Variants in GYS2 observed in about 807,000 individuals in gnomAD.
GYS2 encodes glycogen synthase 2, also known as glycogen [starch] synthase, liver.
Under a neutral mutation model 85.6 loss-of-function variants are expected in GYS2, and 80 were observed. The observed-to-expected ratio is 0.93, with a 90% CI of 0.78 to 1.13. The LOEUF is 1.13. GYS2 is among the 50% of genes most tolerant of loss of function. The probability of loss-of-function intolerance (pLI) is 0.00; values close to 1 mark genes in which losing one functional copy is unlikely to be tolerated. For missense variants in GYS2, 881 were observed against 854.9 expected (o/e 1.03, Z -0.38); for synonymous variants, 328 against 300.7 (o/e 1.09, Z -0.94).
intron 1 of GYS2, among the ~76,000 whole-genome samples, chr12:21,582,509 G>A (rs1401491238): frequency 6.6e-6 from 1 of 151,946 alleles, no homozygotes; most frequent in Non-Finnish European, 1.5e-5. Context: ...GCTGGCAGAT[G>A]GCCTGTTTTG....
chr12:21,542,490 C>T lies in GYS2; in HGVS notation c.1645+6G>A. The T allele has an allele frequency of 6.3e-7, 1 of 1,593,558 alleles. No homozygotes were observed. The highest frequency in any genetic ancestry group is 8.6e-7 in the Non-Finnish European group (1 of 1,161,288). On this transcript the variant is annotated splice_donor_region_variant and intron_variant, in intron 13 of 15. Coordinates refer to ENST00000261195, the MANE Select transcript of GYS2 (RefSeq NM_021957.4). Reference sequence around the variant, plus strand: ...CCCAGCATGGGTTAATGATGAAAACCCTCACCGTAAGCAGTAGGATCAGCC... The same window carrying T: ...CCCAGCATGGGTTAATGATGAAAACTCTCACCGTAAGCAGTAGGATCAGCC...
In GYS2 at chr12:21,585,428, G is replaced by A. The variant is rs1054314372; in HGVS notation, c.122-4905C>T. Among the ~76,000 whole-genome samples, 18 of 152,052 alleles carry A rather than the reference G, an allele frequency of 1.2e-4. No individual in the cohort carries two copies. In the East Asian group the frequency reaches 1.5e-3, roughly 13 times the overall value. ...AACTCCACAATGGAGGTAAGGAAGC[G>A]TATGCATGGAATATAGGAGATCCAT... On this transcript the variant is annotated intron_variant, in intron 1 of 15. Coordinates refer to ENST00000261195, the MANE Select transcript of GYS2 (RefSeq NM_021957.4).
intron 1 of GYS2, among the ~76,000 whole-genome samples, chr12:21,583,812 T>C (rs1011722217): frequency 6.6e-6 from 1 of 152,204 alleles, no homozygotes; most frequent in Non-Finnish European, 1.5e-5. Flanking sequence ...TAAAGTGGGC[T>C]GTGCACAGCA....
At chr12:21,568,792 G>A in intron 5 of GYS2, 73 bp downstream of exon 5, 4 of 1,352,452 alleles carry the variant, frequency 3.0e-6, no homozygotes, top group South Asian at 1.2e-5. Context: ...ACTACTTCAC[G>A]ATGGAAAACA....
At chr12:21,539,393 A>T in intron 14 of GYS2, 55 bp from the exon 15 acceptor site, 2 of 944,982 alleles carry the variant, frequency 2.1e-6, no homozygotes. Context: ...TATCTCAATA[A>T]TCAAGTTATT....
intron 1 of GYS2, among the ~76,000 whole-genome samples, chr12:21,587,120 G>T (rs1386125527): frequency 1.3e-5 from 2 of 152,196 alleles, no homozygotes; most frequent in Admixed American, 6.5e-5. Context: ...TGAGAGCCAA[G>T]TGGGAGCTAA....
intron 1 of GYS2, among the ~76,000 whole-genome samples, chr12:21,585,795 A>G (rs758583568): frequency 1.7e-4 from 26 of 152,196 alleles, no homozygotes; most frequent in Non-Finnish European, 3.1e-4. Context: ...TTTTTCCTTT[A>G]TCATGTGACA....
chr12:21,546,315 AC>A, intron 12 of GYS2, 28 bp downstream of exon 12: 1 of 1,525,254 alleles, frequency 6.6e-7, no homozygotes, highest in Non-Finnish European at 9.1e-7. Context: ...AAAATTCAAA[AC>A]ATTCCACACT....
At chr12:21,578,013 T>C (rs1944466021) in intron 2 of GYS2, among the ~76,000 whole-genome samples, 1 of 152,184 alleles carries the variant, frequency 6.6e-6, no homozygotes, top group African/African-American at 2.4e-5. Flanking sequence ...GACTTTCATG[T>C]CCACCTGATT....
chr12:21,563,040 T>TAAAAC lies in GYS2; in HGVS notation c.942-7_942-3dup. On this transcript the variant is annotated splice_polypyrimidine_tract_variant and splice_region_variant and intron_variant, in intron 6 of 15. Transcript: ENST00000261195. ...TTTTCAAGATCAAAGTCGAGATGAC[T>TAAAAC]AAAACAAAACAAAACCAAACAGTTT... is the stretch of plus-strand genomic sequence containing the variant. 3.7e-6 allele frequency: 6 copies of TAAAAC among 1,607,432 alleles called. 1 individual carries two copies. Among genetic ancestry groups the TAAAAC allele is most frequent in the African/African-American group, 1.3e-5 (1 of 74,894 alleles).
In GYS2 at chr12:21,562,910, T is replaced by G; in HGVS notation, c.1062+8A>C. 1 of 1,612,160 alleles carries G rather than the reference T, an allele frequency of 6.2e-7. No homozygotes were observed. The highest frequency in any genetic ancestry group is 8.5e-7 in the Non-Finnish European group (1 of 1,178,348). ...AGAGTGTTATACCATGTCCTAGAGC[T>G]TTCTTACCCTCAGCAGGAAATTTAG... is the stretch of plus-strand genomic sequence containing the variant. On this transcript the variant is annotated splice_region_variant and intron_variant, in intron 7 of 15. Coordinates refer to ENST00000261195, the MANE Select transcript of GYS2 (RefSeq NM_021957.4).
intron 1 of GYS2, among the ~76,000 whole-genome samples, chr12:21,585,099 T>C (rs1017042114): frequency 6.6e-6 from 1 of 152,064 alleles, no homozygotes; most frequent in African/African-American, 2.4e-5. Flanking sequence ...GATTCACGGG[T>C]CCAGGAATCA....
chr12:21,599,352 G>A (rs1651924892), intron 1 of GYS2, among the ~76,000 whole-genome samples: 1 of 152,046 alleles, frequency 6.6e-6, no homozygotes, highest in Non-Finnish European at 1.5e-5. Flanking sequence ...TGCTACTTGT[G>A]ACAAAGGTCA....
At chr12:21,548,933 T>G (rs1944073982) in intron 11 of GYS2, among the ~76,000 whole-genome samples, 1 of 152,166 alleles carries the variant, frequency 6.6e-6, no homozygotes, top group African/African-American at 2.4e-5. Flanking sequence ...ATGGCCTTGG[T>G]GGCAGTGAGA....
intron 11 of GYS2, among the ~76,000 whole-genome samples, chr12:21,552,597 C>G (rs1249953430): frequency 6.6e-6 from 1 of 152,158 alleles, no homozygotes; most frequent in Non-Finnish European, 1.5e-5. Context: ...TAGCAAATGT[C>G]AGGAAGGTGC....
At chr12:21,558,122 A>G (rs1944205113) in intron 11 of GYS2, 78 bp downstream of exon 11, 1 of 904,000 alleles carries the variant, frequency 1.1e-6, no homozygotes, top group African/African-American at 1.6e-5. Context: ...TGTAAAAACA[A>G]CTAAGGAAAG....
intron 1 of GYS2, among the ~76,000 whole-genome samples, chr12:21,590,116 A>C (rs911418948): frequency 5.3e-5 from 8 of 152,112 alleles, no homozygotes; most frequent in Admixed American, 6.5e-5. Context: ...ACACATGCCC[A>C]CCAGCAACCC....
intron 5 of GYS2, among the ~76,000 whole-genome samples, chr12:21,563,659 T>C (rs934253605): frequency 1.3e-5 from 2 of 152,218 alleles, no homozygotes; most frequent in African/African-American, 4.8e-5. Flanking sequence ...GATTATTTAA[T>C]GTGTACCAGG....
At chr12:21,576,412 T>C (rs765646090) in intron 2 of GYS2, among the ~76,000 whole-genome samples, 55 of 152,206 alleles carry the variant, frequency 3.6e-4, no homozygotes, top group African/African-American at 1.3e-3. Flanking sequence ...ATGCTTTGTA[T>C]CTCTGAAAAC....
Sources: allele counts gnomAD v4.1 joint callset (sites outside exome capture counted in the v4.1 genomes callset), GRCh38; gene constraint gnomAD v4.1.1; transcripts MANE v1.5; gene names NCBI Gene and HGNC (gene_info 2026-07-23, HGNC 2026-07-21).